The following PCDHGA2 variants were observed in gnomAD, a reference collection of about 807,000 sequenced individuals.
PCDHGA2 encodes the protein protocadherin gamma subfamily A, 2.
PCDHGA2 carries 40 observed loss-of-function variants against 59.2 expected under a neutral mutation model. That is an observed-to-expected ratio of 0.68 (90% CI 0.52 to 0.88). PCDHGA2 has a LOEUF of 0.88. PCDHGA2 is among the 40% of genes least tolerant of loss of function. The pLI, the probability that PCDHGA2 is intolerant of heterozygous loss-of-function variation, is 0.00. For synonymous variants in PCDHGA2, 560 were observed against 526.0 expected (o/e 1.06, Z -0.89); for missense variants, 1,226 against 1,204.0 (o/e 1.02, Z -0.27).
intron 1 of PCDHGA2, among the ~76,000 whole-genome samples, chr5:141,448,660 G>T (rs2098599264): frequency 6.6e-6 from 1 of 151,712 alleles, no homozygotes; most frequent in African/African-American, 2.4e-5. Context: ...TTCCATATTG[G>T]CCGGGCGCGG....
intron 1 of PCDHGA2, chr5:141,409,594 C>A: frequency 1.2e-6 from 2 of 1,613,900 alleles, no homozygotes; most frequent in Non-Finnish European, 1.7e-6. Flanking sequence ...TGGCCGAGAA[C>A]AACCCGCCAG....
intron 1 of PCDHGA2, chr5:141,419,057 A>T: frequency 6.2e-7 from 1 of 1,613,900 alleles, no homozygotes; most frequent in East Asian, 2.2e-5. Flanking sequence ...TTCTTCTAAT[A>T]ATTACTACAA....
intron 1 of PCDHGA2, among the ~76,000 whole-genome samples, chr5:141,429,826 C>T (rs1211415098): frequency 2.6e-5 from 4 of 152,054 alleles, no homozygotes; most frequent in Non-Finnish European, 4.4e-5. Context: ...GGTCAGTTAC[C>T]CAGGAAAAGG....
intron 1 of PCDHGA2, chr5:141,403,336 C>T (rs2094393288): frequency 1.9e-6 from 3 of 1,614,032 alleles, no homozygotes; most frequent in Non-Finnish European, 2.5e-6. Flanking sequence ...ATATTAACGA[C>T]AGCGCCCCAA....
rs187488785 is a variant in PCDHGA2 at position 141,461,744 on chromosome 5, C to T, written c.2425-33063C>T. 5.9e-5 allele frequency among the ~76,000 whole-genome samples: 9 copies of T among 152,302 alleles called. No individual in the cohort carries two copies. The East Asian group carries it at 1.7e-3, about 29-fold the overall frequency. On this transcript the variant is annotated intron_variant, in intron 1 of 3. Transcript: ENST00000394576. ...GGAGTGCAGTGGCACAATCCCGGCT[C>T]CCAGATTCAAGCGATTCTCCTGCCT...
intron 1 of PCDHGA2, chr5:141,367,582 A>G (rs1339166243): frequency 6.6e-6 from 1 of 150,954 alleles, no homozygotes; most frequent in Admixed American, 6.6e-5. Flanking sequence ...ATATCAGAAA[A>G]GTAGATAAAA....
intron 1 of PCDHGA2, chr5:141,365,253 A>G (rs1763814300): frequency 8.7e-6 from 14 of 1,613,978 alleles, no homozygotes; most frequent in Non-Finnish European, 1.1e-5. Context: ...CAATCACTGG[A>G]CTATGAAGAA....
At chr5:141,463,168 T>C (rs74924211) in intron 1 of PCDHGA2, among the ~76,000 whole-genome samples, 6,974 of 152,254 alleles carry the variant, frequency 0.046, 178 homozygotes, top group Middle Eastern at 0.082. Context: ...GTGCACTCTA[T>C]GTATGCTCAG....
chr5:141,353,101 A>G (rs896793984), intron 1 of PCDHGA2, among the ~76,000 whole-genome samples: 8 of 152,084 alleles, frequency 5.3e-5, no homozygotes, highest in African/African-American at 1.9e-4. Flanking sequence ...GGGGTACTAG[A>G]TAGATGGAGA....
intron 1 of PCDHGA2, chr5:141,385,394 C>T: frequency 1.3e-5 from 19 of 1,499,976 alleles, no homozygotes; most frequent in Non-Finnish European, 1.7e-5. Context: ...TTTTGCAAAA[C>T]AAATGTTTTG....
intron 1 of PCDHGA2, among the ~76,000 whole-genome samples, chr5:141,472,039 A>T (rs913132856): frequency 1.3e-5 from 2 of 152,200 alleles, no homozygotes; most frequent in Non-Finnish European, 2.9e-5. Context: ...AGCTGTGAAA[A>T]GATTTTAAAA....
intron 1 of PCDHGA2, among the ~76,000 whole-genome samples, chr5:141,436,604 G>A (rs2097836057): frequency 6.6e-6 from 1 of 152,146 alleles, no homozygotes; most frequent in Admixed American, 6.5e-5. Context: ...GTGATGGCTA[G>A]GGCTAACAAA....
chr5:141,427,717 A>G (rs1038823851), intron 1 of PCDHGA2: 20 of 1,076,234 alleles, frequency 1.9e-5, no homozygotes, highest in African/African-American at 1.1e-4. Context: ...TCTGACCTGG[A>G]CCTAGGGCTG....
intron 1 of PCDHGA2, chr5:141,442,490 T>C (rs2098328971): frequency 6.6e-6 from 1 of 152,222 alleles, no homozygotes; most frequent in South Asian, 2.1e-4. Flanking sequence ...AAGGGGATGA[T>C]TGTGATTATT....
chr5:141,373,414 T>C (rs1351552261), intron 1 of PCDHGA2, among the ~76,000 whole-genome samples: 1 of 152,222 alleles, frequency 6.6e-6, no homozygotes, highest in Non-Finnish European at 1.5e-5. Context: ...TCCCAGCTAC[T>C]CGGGAGGCTG....
intron 1 of PCDHGA2, chr5:141,422,014 C>A: frequency 6.2e-7 from 1 of 1,610,158 alleles, no homozygotes; most frequent in Non-Finnish European, 8.5e-7. Flanking sequence ...AACTCGGGTG[C>A]TGATGGTTAA....
chr5:141,415,452 C>T, intron 1 of PCDHGA2: 1 of 1,614,240 alleles, frequency 6.2e-7, no homozygotes, highest in South Asian at 1.1e-5. Flanking sequence ...CCTATTCCCA[C>T]GAGGTCTCTC....
intron 1 of PCDHGA2, chr5:141,428,269 C>T (rs1326212294): frequency 1.3e-6 from 1 of 777,738 alleles, no homozygotes; most frequent in Non-Finnish European, 2.2e-6. Flanking sequence ...CAGTCCTGTG[C>T]CCTCTGATTC....
intron 1 of PCDHGA2, chr5:141,395,406 G>C (rs923158895): frequency 1.2e-6 from 1 of 833,442 alleles, no homozygotes; most frequent in Non-Finnish European, 1.8e-6. Flanking sequence ...AATAGTCATA[G>C]GTTATTGTTT....
Sources: allele counts gnomAD v4.1 joint callset (sites outside exome capture counted in the v4.1 genomes callset), GRCh38; gene constraint gnomAD v4.1.1; transcripts MANE v1.5; gene names NCBI Gene and HGNC (gene_info 2026-07-23, HGNC 2026-07-21).